Variants in BST1 observed in about 807,000 individuals in gnomAD.
BST1 encodes the protein bone marrow stromal cell antigen 1.
Under a neutral mutation model 40.6 loss-of-function variants are expected in BST1, and 49 were observed. That is an observed-to-expected ratio of 1.21 (90% CI 0.96 to 1.53). The LOEUF (loss-of-function observed/expected upper bound fraction) is 1.53, where lower values mean the gene tolerates loss of function less well. Ranked by LOEUF, BST1 falls within the 40% of genes most tolerant of loss-of-function variation. The pLI is 0.00. For missense variants in BST1, 423 were observed against 395.9 expected, an observed-to-expected ratio of 1.07 and a Z score of -0.58; for synonymous variants, 157 against 159.3, an observed-to-expected ratio of 0.99 and a Z score of 0.11.
chr4:15,760,682 ATATT>A, the BST1 span, among the ~76,000 whole-genome samples: 6 of 150,518 alleles, frequency 4.0e-5, no homozygotes, highest in South Asian at 2.1e-4. Context: ...TATATACTAT[ATATT>A]TATTTATTTA....
At chr4:15,747,361 C>T in the BST1 span, among the ~76,000 whole-genome samples, 2 of 151,932 alleles carry the variant, frequency 1.3e-5, no homozygotes, top group Non-Finnish European at 2.9e-5. Flanking sequence ...GTCATGGCTG[C>T]CTTGCTGCCA....
intron 7 of BST1, among the ~76,000 whole-genome samples, chr4:15,721,781 T>G (rs921791848): frequency 2.0e-5 from 3 of 152,176 alleles, no homozygotes; most frequent in Admixed American, 6.5e-5. Context: ...GTTGTGCACA[T>G]GTACCCTAGA....
rs776580177 is a variant in BST1 at position 15,707,623 on chromosome 4, G to A, written c.428G>A (p.Trp143Ter). The change falls in exon 3 of 9, where the codon TGG (tryptophan) becomes TAG (stop). Residue 143 changes from tryptophan (W) to a stop codon, truncating the protein, a stop_gained. Transcript: ENST00000265016. LOFTEE classifies it high-confidence loss of function. The stretch of plus-strand genomic sequence containing the variant: ...GGCAGGGTTGCAGATTTCTTGAGCT[G>A]GTGTCGACAGAAAAATGACTCTGGT... ...LYGRVADFLS[W>*]CRQKNDSGLD... 123 of 1,613,758 alleles carry A rather than the reference G, an allele frequency of 7.6e-5. No individual in the cohort carries two copies. The highest frequency in any genetic ancestry group is 1.0e-4 in the Non-Finnish European group (120 of 1,179,972).
the BST1 span, among the ~76,000 whole-genome samples, chr4:15,756,159 G>T: frequency 6.6e-6 from 1 of 152,056 alleles, no homozygotes; most frequent in South Asian, 2.1e-4. Context: ...CAAAACAAGG[G>T]GGAAAAACCG....
chr4:15,745,961 G>T, the BST1 span, among the ~76,000 whole-genome samples: 134 of 152,314 alleles, frequency 8.8e-4, no homozygotes, highest in African/African-American at 3.2e-3. Context: ...AAAGGTTAAG[G>T]TTCTTTTAGA....
the BST1 span, among the ~76,000 whole-genome samples, chr4:15,747,208 A>G: frequency 6.6e-6 from 1 of 152,080 alleles, no homozygotes; most frequent in Non-Finnish European, 1.5e-5. Context: ...GCTCCTGATC[A>G]CTTTTGATTG....
At position 15,731,746 on chromosome 4, in the gene BST1, A is replaced by G. The variant is rs780156096; in HGVS notation, c.858A>G (p.Ala286=). Residue 286 remains alanine, a synonymous_variant, in exon 9 of 9, where the codon GCA becomes GCG. Transcript: ENST00000265016. ...TTTCCTTGTTAATTTGCAGGGCAGCAGCCGCTACTCAAAGAAAAGCCCCAA... is the reference window on the plus strand; with the variant it reads ...TTTCCTTGTTAATTTGCAGGGCAGCGGCCGCTACTCAAAGAAAAGCCCCAA... The part of the protein sequence containing the change: ...THPDCALKSA[A]AATQRKAPSL... The G allele has an allele frequency of 6.2e-7, 1 of 1,612,454 alleles. No homozygotes were observed. Among genetic ancestry groups the G allele is most frequent in the South Asian group, 1.1e-5 (1 of 90,570 alleles).
chr4:15,741,370 T>C (rs1475984555), downstream of BST1, among the ~76,000 whole-genome samples: 2 of 152,090 alleles, frequency 1.3e-5, no homozygotes, highest in African/African-American at 4.8e-5. Context: ...AAGTGCTTCC[T>C]GATAAGGGAG....
chr4:15,722,630 G>A (rs111796073), intron 7 of BST1, among the ~76,000 whole-genome samples: 15,077 of 138,042 alleles, frequency 0.11, 1,611 homozygotes, highest in African/African-American at 0.27. Flanking sequence ...CCAAGGTCTC[G>A]CTATGTTGCC....
the BST1 span, among the ~76,000 whole-genome samples, chr4:15,750,396 A>C: frequency 6.6e-6 from 1 of 152,124 alleles, no homozygotes; most frequent in South Asian, 2.1e-4. Flanking sequence ...GGCTTATTTC[A>C]CTCAACATAA....
the BST1 span, among the ~76,000 whole-genome samples, chr4:15,771,936 A>G: frequency 2.0e-5 from 3 of 152,160 alleles, no homozygotes; most frequent in Non-Finnish European, 4.4e-5. Context: ...TTCAACATAC[A>G]TTAGTATGTG....
At chr4:15,743,554 G>T in the BST1 span, 1 of 357,496 alleles carries the variant, frequency 2.8e-6, no homozygotes, top group South Asian at 2.3e-5. Flanking sequence ...GGCAACATCT[G>T]GGAGATGCTG....
the BST1 span, among the ~76,000 whole-genome samples, chr4:15,774,155 G>A: frequency 6.6e-6 from 1 of 152,178 alleles, no homozygotes; most frequent in Non-Finnish European, 1.5e-5. Flanking sequence ...TGCAGACAGA[G>A]TGAGAAGACA....
At chr4:15,741,783 T>G (rs923985800), downstream of BST1, among the ~76,000 whole-genome samples, 52 of 152,342 alleles carry the variant, frequency 3.4e-4, no homozygotes, top group Non-Finnish European at 2.9e-4. Context: ...TATTGCAGAG[T>G]TGAGCAGTGG....
intron 8 of BST1, among the ~76,000 whole-genome samples, chr4:15,724,352 C>A (rs16892271): frequency 0.13 from 20,517 of 152,162 alleles, 2,607 homozygotes; most frequent in East Asian, 0.52. Flanking sequence ...TTGCTGTGTG[C>A]ACTACATAAA....
At chr4:15,737,003 C>T (rs749294066), downstream of BST1, among the ~76,000 whole-genome samples, 3 of 152,212 alleles carry the variant, frequency 2.0e-5, no homozygotes, top group Non-Finnish European at 1.5e-5. Context: ...TGGCACCTAA[C>T]AGGTTGGCCC....
the BST1 span, among the ~76,000 whole-genome samples, chr4:15,759,503 T>C: frequency 6.6e-6 from 1 of 151,956 alleles, no homozygotes; most frequent in Non-Finnish European, 1.5e-5. Flanking sequence ...TTCATTTTCT[T>C]CTACCTTAAC....
At chr4:15,773,168 G>A in the BST1 span, among the ~76,000 whole-genome samples, 1 of 152,210 alleles carries the variant, frequency 6.6e-6, no homozygotes, top group South Asian at 2.1e-4. Flanking sequence ...TGGCACTGGA[G>A]ATGAAGAAAT....
the BST1 span, among the ~76,000 whole-genome samples, chr4:15,773,643 A>T: frequency 6.6e-6 from 1 of 152,158 alleles, no homozygotes; most frequent in African/African-American, 2.4e-5. Context: ...TCTACAAAAA[A>T]AATCCAATAA....
Sources: allele counts gnomAD v4.1 joint callset (sites outside exome capture counted in the v4.1 genomes callset), GRCh38; gene constraint gnomAD v4.1.1; transcripts MANE v1.5; gene names NCBI Gene and HGNC (gene_info 2026-07-23, HGNC 2026-07-21).